SLC1A2: variants seen among roughly 807,000 people sequenced by gnomAD.
The protein encoded by SLC1A2 is excitatory amino acid transporter 2.
A neutral mutation model predicts 48.8 loss-of-function variants in SLC1A2; 15 were observed. That is an observed-to-expected ratio of 0.31 (90% confidence interval 0.21 to 0.47). The LOEUF (loss-of-function observed/expected upper bound fraction) is 0.47. Ranked by LOEUF, SLC1A2 falls within the 20% of genes least tolerant of loss-of-function variation. The pLI is 0.99. For missense variants in SLC1A2, 502 were observed against 730.5 expected (o/e 0.69, Z 3.61); for synonymous variants, 279 against 272.6 (o/e 1.02, Z -0.23).
At chr11:35,309,293 T>C (rs1851613302) in intron 4 of SLC1A2, among the ~76,000 whole-genome samples, 1 of 151,892 alleles carries the variant, frequency 6.6e-6, no homozygotes, top group African/African-American at 2.4e-5. Context: ...ATCTGTCTCC[T>C]CCCCCCGTGG....
intron 1 of SLC1A2, chr11:35,390,687 TG>T (rs1854740072): frequency 6.7e-6 from 1 of 149,782 alleles, no homozygotes; most frequent in South Asian, 2.1e-4. Flanking sequence ...TTTCTTGAGA[TG>T]GAGTTTCACT....
At chr11:35,317,869 G>T (rs373687630) in intron 1 of SLC1A2, among the ~76,000 whole-genome samples, 82 of 152,264 alleles carry the variant, frequency 5.4e-4, no homozygotes, top group African/African-American at 1.7e-3. Flanking sequence ...GATAGGTCTG[G>T]CTCCAAAGCC....
rs1475666897 is a variant in SLC1A2, at chr11:35,306,105, G to A, written c.699C>T (p.Gly233=). The change falls in exon 5 of 11, where the codon GGC becomes GGT. Residue 233 remains glycine, a synonymous_variant. Coordinates refer to ENST00000278379, the MANE Select transcript of SLC1A2 (RefSeq NM_004171.4). ...CGTTCATCCCATCCTTGAACTCCAGGCCCTTCTTGATAACCATCTTAGTCT... is the reference window on the plus strand; with the variant it reads ...CGTTCATCCCATCCTTGAACTCCAGACCCTTCTTGATAACCATCTTAGTCT... The part of the protein sequence containing the change: ...PEETKMVIKK[G]LEFKDGMNVL... The A allele has an allele frequency of 6.2e-7, 1 of 1,613,790 alleles. No individual in the cohort carries two copies. The highest frequency in any genetic ancestry group is 8.5e-7 in the Non-Finnish European group (1 of 1,179,912).
At chr11:35,372,301 A>G (rs986547412) in intron 1 of SLC1A2, among the ~76,000 whole-genome samples, 6 of 152,206 alleles carry the variant, frequency 3.9e-5, no homozygotes, top group African/African-American at 1.4e-4. Context: ...CACGCCACCC[A>G]GGTGATGGCT....
In SLC1A2 at chr11:35,301,499, G is replaced by T; in HGVS notation, c.857+20C>A. On this transcript the variant is annotated intron_variant, in intron 6 of 10. Coordinates refer to ENST00000278379, the MANE Select transcript of SLC1A2 (RefSeq NM_004171.4). ...GGCTTTCTCAACCCACTGCTAAGAA[G>T]TAAGAACAAGGCCACTTACCACATG... is the stretch of plus-strand genomic sequence containing the variant. The T allele has an allele frequency of 6.2e-7, 1 of 1,612,026 alleles. No individual in the cohort carries two copies. Among genetic ancestry groups the T allele is most frequent in the East Asian group, 2.2e-5 (1 of 44,774 alleles).
chr11:35,319,141 T>C (rs1851977761), intron 1 of SLC1A2, among the ~76,000 whole-genome samples: 1 of 152,012 alleles, frequency 6.6e-6, no homozygotes, highest in African/African-American at 2.4e-5. Flanking sequence ...AAAAAGAAAA[T>C]AGGGTATGAC....
At chr11:35,303,548 G>A (rs957418813) in intron 5 of SLC1A2, among the ~76,000 whole-genome samples, 2 of 152,132 alleles carry the variant, frequency 1.3e-5, no homozygotes, top group African/African-American at 2.4e-5. Context: ...CTACGTGGGA[G>A]GTCAAAGAGA....
intron 1 of SLC1A2, among the ~76,000 whole-genome samples, chr11:35,416,318 T>A (rs893568263): frequency 2.0e-5 from 3 of 152,224 alleles, no homozygotes; most frequent in African/African-American, 7.2e-5. Context: ...CATTTTCAGA[T>A]GATAACCCCA....
intron 1 of SLC1A2, among the ~76,000 whole-genome samples, chr11:35,368,024 G>T (rs761825070): frequency 6.6e-6 from 1 of 152,112 alleles, no homozygotes; most frequent in African/African-American, 2.4e-5. Context: ...AGTATTAGAC[G>T]GTGTTGAAGG....
At chr11:35,273,373 C>T (rs768898397) in intron 9 of SLC1A2, among the ~76,000 whole-genome samples, 5 of 152,212 alleles carry the variant, frequency 3.3e-5, no homozygotes, top group African/African-American at 7.2e-5. Flanking sequence ...CTGGATGACA[C>T]TCCCAGCTCA....
chr11:35,264,692 T>C (rs1021561181), intron 10 of SLC1A2: 1 of 152,218 alleles, frequency 6.6e-6, no homozygotes, highest in Non-Finnish European at 1.5e-5. Flanking sequence ...TTCTGGATAA[T>C]TGTCCTGAAG....
At position 35,260,618 on chromosome 11, in the gene SLC1A2, A is replaced by G. The variant is rs1950378290; in HGVS notation, c.*276T>C. On this transcript the variant is annotated 3_prime_UTR_variant, in exon 11 of 11. Coordinates refer to ENST00000278379, the MANE Select transcript of SLC1A2 (RefSeq NM_004171.4). ...TGGGAGAAAAGGGAAGCTGGCAAGA[A>G]CGTGTCTTCAATTCCAACTGATTCC... 1 of 404,504 alleles carries G rather than the reference A, an allele frequency of 2.5e-6. No individual in the cohort carries two copies. The highest frequency in any genetic ancestry group is 4.0e-5 in the Admixed American group (1 of 24,990). The allele number at this position is 404,504 out of a possible 1,614,324, so 25.1% of individuals were successfully genotyped here. A position where few individuals can be genotyped will look rare whatever the true frequency, so the allele number is the denominator to read the frequency against.
At chr11:35,395,432 T>C (rs1217901303) in intron 1 of SLC1A2, among the ~76,000 whole-genome samples, 1 of 152,014 alleles carries the variant, frequency 6.6e-6, no homozygotes, top group African/African-American at 2.4e-5. Context: ...CACTAAAGAC[T>C]GTCCAAGGGA....
intron 7 of SLC1A2, 80 bp downstream of exon 7, chr11:35,292,207 G>A (rs1851032285): frequency 3.1e-6 from 3 of 965,034 alleles, no homozygotes; most frequent in Non-Finnish European, 4.8e-6. Context: ...ACTTTGTGAT[G>A]GGAGGGTTTT....
At chr11:35,336,948 T>C (rs1852656593) in intron 1 of SLC1A2, among the ~76,000 whole-genome samples, 1 of 152,196 alleles carries the variant, frequency 6.6e-6, no homozygotes, top group African/African-American at 2.4e-5. Flanking sequence ...CTGTAGTACT[T>C]GGGACCAGCA....
At chr11:35,281,183 C>T (rs1050331347) in intron 8 of SLC1A2, among the ~76,000 whole-genome samples, 182 bp from the exon 9 acceptor site, 3 of 152,052 alleles carry the variant, frequency 2.0e-5, no homozygotes, top group African/African-American at 7.2e-5. Flanking sequence ...AGGATTAAGG[C>T]CTATTTGGGT....
chr11:35,403,659 G>C (rs1490778864), intron 1 of SLC1A2, among the ~76,000 whole-genome samples: 1 of 152,044 alleles, frequency 6.6e-6, no homozygotes, highest in East Asian at 1.9e-4. Context: ...CTGCTTCCCA[G>C]GGTTCCTATG....
intron 10 of SLC1A2, among the ~76,000 whole-genome samples, chr11:35,262,606 G>C (rs114734977): frequency 1.3e-5 from 2 of 152,184 alleles, no homozygotes; most frequent in African/African-American, 2.4e-5. Flanking sequence ...AAGTAAATGT[G>C]ACCCAGATAT....
intron 9 of SLC1A2, among the ~76,000 whole-genome samples, chr11:35,266,369 T>G (rs1261209651): frequency 1.3e-5 from 2 of 152,198 alleles, no homozygotes; most frequent in African/African-American, 4.8e-5. Flanking sequence ...ATTTTCTCAT[T>G]GACCAATATG....
Sources: allele counts gnomAD v4.1 joint callset (sites outside exome capture counted in the v4.1 genomes callset), GRCh38; gene constraint gnomAD v4.1.1; transcripts MANE v1.5; gene names NCBI Gene and HGNC (gene_info 2026-07-23, HGNC 2026-07-21).